The following CSTPP1 variants were observed in gnomAD, a reference collection of about 807,000 sequenced individuals.
CSTPP1 encodes centriolar satellite-associated tubulin polyglutamylase complex regulator 1.
the CSTPP1 span, among the ~76,000 whole-genome samples, chr11:46,976,000 G>C: frequency 6.6e-6 from 1 of 152,142 alleles, no homozygotes; most frequent in South Asian, 2.1e-4. Context: ...TTCAGGTCAG[G>C]GGGCTTAATG....
At chr11:46,998,191 C>G in the CSTPP1 span, among the ~76,000 whole-genome samples, 1 of 152,192 alleles carries the variant, frequency 6.6e-6, no homozygotes, top group East Asian at 1.9e-4. Context: ...CCCTTTTCCT[C>G]CCTTTCTTGA....
the CSTPP1 span, among the ~76,000 whole-genome samples, chr11:46,952,421 C>T: frequency 6.6e-6 from 1 of 152,210 alleles, no homozygotes; most frequent in Non-Finnish European, 1.5e-5. Context: ...GAATTTTAGT[C>T]TAATGGACAG....
chr11:47,072,049 A>G, the CSTPP1 span, among the ~76,000 whole-genome samples: 1 of 152,200 alleles, frequency 6.6e-6, no homozygotes, highest in Non-Finnish European at 1.5e-5. Context: ...ACTAAGATGA[A>G]GGGACTGGGT....
At chr11:46,988,184 C>T in the CSTPP1 span, among the ~76,000 whole-genome samples, 235 of 152,222 alleles carry the variant, frequency 1.5e-3, 1 homozygote, top group Non-Finnish European at 2.5e-3. Flanking sequence ...ATAGGGCTGC[C>T]ATATGATCCA....
the CSTPP1 span, among the ~76,000 whole-genome samples, chr11:46,944,822 G>T: frequency 6.6e-6 from 1 of 152,128 alleles, no homozygotes; most frequent in Non-Finnish European, 1.5e-5. Context: ...TCTATCATGG[G>T]CGTTTCCCCC....
At chr11:47,123,938 G>A in the CSTPP1 span, among the ~76,000 whole-genome samples, 1 of 131,340 alleles carries the variant, frequency 7.6e-6, no homozygotes, top group African/African-American at 2.7e-5. Context: ...GGTGACAAGA[G>A]TGACTCTGTC....
At chr11:46,979,778 T>C in the CSTPP1 span, among the ~76,000 whole-genome samples, 6 of 152,156 alleles carry the variant, frequency 3.9e-5, no homozygotes, top group African/African-American at 1.4e-4. Context: ...CTGAGCATGG[T>C]GGCGGGCGCC....
the CSTPP1 span, among the ~76,000 whole-genome samples, chr11:46,994,147 A>C: frequency 1.3e-5 from 2 of 152,214 alleles, no homozygotes; most frequent in Non-Finnish European, 2.9e-5. Context: ...GACTTTGCTG[A>C]AGTTGCTTAT....
chr11:46,980,987 G>T, the CSTPP1 span, among the ~76,000 whole-genome samples: 1 of 152,154 alleles, frequency 6.6e-6, no homozygotes, highest in African/African-American at 2.4e-5. Flanking sequence ...TAACTAATTT[G>T]TAAAAGCAAT....
the CSTPP1 span, among the ~76,000 whole-genome samples, chr11:47,039,034 C>T: frequency 1.6e-5 from 2 of 124,130 alleles, no homozygotes; most frequent in African/African-American, 2.5e-5. Context: ...GGCGGCCGGG[C>T]AGAGACGCTC....
the CSTPP1 span, among the ~76,000 whole-genome samples, chr11:47,114,505 G>A: frequency 2.0e-5 from 3 of 152,134 alleles, no homozygotes; most frequent in South Asian, 4.2e-4. Context: ...CTTTTATTTC[G>A]TTGAGCAGTG....
chr11:47,138,498 G>A, the CSTPP1 span, among the ~76,000 whole-genome samples: 1 of 152,170 alleles, frequency 6.6e-6, no homozygotes, highest in Non-Finnish European at 1.5e-5. Context: ...TAAAGCCCCA[G>A]TTGAAGGAAA....
At chr11:47,101,247 C>T in the CSTPP1 span, among the ~76,000 whole-genome samples, 20 of 135,798 alleles carry the variant, frequency 1.5e-4, 1 homozygote, top group South Asian at 3.9e-3. Flanking sequence ...TCTTGAACTC[C>T]TGAACTCAGG....
At chr11:47,076,442 A>G in the CSTPP1 span, among the ~76,000 whole-genome samples, 7 of 152,176 alleles carry the variant, frequency 4.6e-5, no homozygotes, top group Admixed American at 4.6e-4. Context: ...TCAGATAACC[A>G]GTTTTTTAGT....
the CSTPP1 span, among the ~76,000 whole-genome samples, chr11:47,124,817 G>A: frequency 3.4e-4 from 51 of 152,100 alleles, no homozygotes; most frequent in Admixed American, 8.5e-4. Context: ...TTTACTTTTT[G>A]TATGCCTGCC....
chr11:47,126,858 A>G, the CSTPP1 span, among the ~76,000 whole-genome samples: 1 of 151,434 alleles, frequency 6.6e-6, no homozygotes, highest in African/African-American at 2.4e-5. Context: ...GCTTGAGCCC[A>G]GGAGGTGGAG....
the CSTPP1 span, among the ~76,000 whole-genome samples, chr11:47,031,986 T>C: frequency 2.6e-5 from 4 of 152,070 alleles, no homozygotes; most frequent in Non-Finnish European, 5.9e-5. Context: ...CAGTCTCTCT[T>C]TTCACATTTT....
At chr11:47,047,983 G>A in the CSTPP1 span, among the ~76,000 whole-genome samples, 1 of 152,314 alleles carries the variant, frequency 6.6e-6, no homozygotes, top group East Asian at 1.9e-4. Flanking sequence ...TAGGTTGGCT[G>A]TTTTTTAAAA....
the CSTPP1 span, among the ~76,000 whole-genome samples, chr11:47,147,395 G>A: frequency 6.6e-6 from 1 of 152,284 alleles, no homozygotes. Context: ...AGGCATTTGA[G>A]GGCAGAGGGA....
Sources: allele counts gnomAD v4.1 joint callset (sites outside exome capture counted in the v4.1 genomes callset), GRCh38; gene constraint gnomAD v4.1.1; transcripts MANE v1.5; gene names NCBI Gene and HGNC (gene_info 2026-07-23, HGNC 2026-07-21).